Variants in SLX4 observed in about 807,000 individuals in gnomAD.
SLX4 encodes structure-specific endonuclease subunit SLX4.
SLX4 carries 112 observed loss-of-function variants against 146.2 expected under a neutral mutation model. That is an observed-to-expected ratio of 0.77 (90% CI 0.66 to 0.90). SLX4 has a LOEUF of 0.90. Among genes scored for constraint, SLX4 ranks in the 40% least tolerant of loss-of-function variants. The pLI, the probability that SLX4 is intolerant of heterozygous loss-of-function variation, is 0.00. For missense variants in SLX4, 2,563 were observed against 2,392.7 expected (o/e 1.07, Z -1.49); for synonymous variants, 1,061 against 997.7 (o/e 1.06, Z -1.20).
intron 1 of SLX4, among the ~76,000 whole-genome samples, chr16:3,610,539 C>T (rs968898179): frequency 6.6e-6 from 1 of 152,160 alleles, no homozygotes; most frequent in East Asian, 1.9e-4. Context: ...CCTGTCTTTA[C>T]GGCAAGGAAA....
In SLX4 at chr16:3,596,196, C is replaced by T. The variant is rs766325727; in HGVS notation, c.1881G>A (p.Pro627=). The change falls in exon 8 of 15, where the codon CCG becomes CCA. Residue 627 remains proline (P), a synonymous_variant. Transcript: ENST00000294008. ...DLAREGLSAS[P]WPGSGGLAGS... ...CAGCCAGGCCCCCACTGCCGGGCCA[C>T]GGGCTGGCGCTCAGTCCCTCCCTCG... 14 of 1,550,220 alleles carry T rather than the reference C, an allele frequency of 9.0e-6. No individual in the cohort carries two copies. The East Asian group carries it at 9.7e-5, about 11-fold the overall frequency.
chr16:3,589,880 G>C lies in SLX4; in HGVS notation c.3758C>G (p.Thr1253Ser), dbSNP rs202148391. The C allele has an allele frequency of 2.5e-6, 4 of 1,613,670 alleles. No homozygotes were observed. The African/African-American group carries it at 4.0e-5, about 16-fold the overall frequency. Residue 1253 changes from threonine (T) to serine (S), a missense_variant, in exon 12 of 15, where the codon ACC becomes AGC. Thr to Ser is a moderately conservative substitution (Grantham distance 58, BLOSUM62 1). Coordinates refer to ENST00000294008, the MANE Select transcript of SLX4 (RefSeq NM_032444.4). This position sits in a 1 kb window ranked among gnomAD's most constrained non-coding sequence, Gnocchi z 6.2. ...SSPSEASTTDTSWLVPATPLA... is the reference protein window; with the variant it reads ...SSPSEASTTDSSWLVPATPLA... ...CGGGGTGGCGGGCACCAGCCACGAGGTGTCTGTGGTGCTGGCCTCGCTGGG... is the reference window on the plus strand; with the variant it reads ...CGGGGTGGCGGGCACCAGCCACGAGCTGTCTGTGGTGCTGGCCTCGCTGGG...
At chr16:3,600,911 T>A (rs964922055) in intron 5 of SLX4, 68 bp downstream of exon 5, 13 of 1,570,534 alleles carry the variant, frequency 8.3e-6, no homozygotes, top group African/African-American at 1.4e-5. Context: ...AAAGCTTTTT[T>A]AAATAGAAAA....
rs1220006882 is a variant in SLX4 at position 3,602,265 on chromosome 16, A to T, written c.803T>A (p.Val268Glu). Residue 268 changes from valine to glutamate, a missense_variant, in exon 4 of 15, where the codon GTG (valine) becomes GAG (glutamate). Transcript: ENST00000294008. ...AAACTCCTGCTGCAGGGTCAAGGCC[A>T]CCGCAGCGTCGCTCTCTGGGGCAGG... ...GPPAPESDAA[V>E]ALTLQQEFAR... The T allele has an allele frequency of 6.2e-7, 1 of 1,614,116 alleles. No individual in the cohort carries two copies. The highest frequency in any genetic ancestry group is 2.2e-5 in the East Asian group (1 of 44,884).
chr16:3,607,394 G>C (rs953057955), intron 2 of SLX4, among the ~76,000 whole-genome samples: 4 of 152,206 alleles, frequency 2.6e-5, no homozygotes, highest in African/African-American at 9.6e-5. Context: ...TTTAGAAACA[G>C]AACTCAGGAG....
chr16:3,609,068 T>A lies in SLX4; in HGVS notation c.-104A>T. On this transcript the variant is annotated 5_prime_UTR_variant, in exon 2 of 15. Transcript: ENST00000294008. ...AATGATTGAAGTATCTTTGTTCAAA[T>A]TGGGCCTGTGGTTAAACATGTTTAA... 7.1e-7 allele frequency: 1 copy of A among 1,400,432 alleles called. No individual in the cohort carries two copies. The highest frequency in any genetic ancestry group is 1.2e-5 in the South Asian group (1 of 81,718). The allele number at this position is 1,400,432 out of a possible 1,614,324, so 86.8% of individuals were successfully genotyped here. A position where few individuals can be genotyped will look rare whatever the true frequency, so the allele number is the denominator to read the frequency against.
intron 2 of SLX4, among the ~76,000 whole-genome samples, chr16:3,607,577 G>A (rs1301264519): frequency 2.6e-5 from 4 of 152,226 alleles, no homozygotes; most frequent in Non-Finnish European, 4.4e-5. Flanking sequence ...CCAGCTACTC[G>A]GGAGGCTGAG....
chr16:3,595,597 G>T lies in SLX4; in HGVS notation c.2013+8C>A, dbSNP rs372272797. ...GACCAGAGAGCGCGGGCCAGAGCCAGTTCTTACCAAGGTGCGGCCGCCCCT... is the reference window on the plus strand; with the variant it reads ...GACCAGAGAGCGCGGGCCAGAGCCATTTCTTACCAAGGTGCGGCCGCCCCT... On this transcript the variant is annotated splice_region_variant and intron_variant, in intron 9 of 14. Transcript: ENST00000294008. The T allele has an allele frequency of 4.3e-6, 7 of 1,613,608 alleles. No homozygotes were observed. The African/African-American group carries it at 8.0e-5, about 18-fold the overall frequency.
At chr16:3,583,923 C>G (rs563324412) in intron 13 of SLX4, among the ~76,000 whole-genome samples, 1 of 151,790 alleles carries the variant, frequency 6.6e-6, no homozygotes, top group Non-Finnish European at 1.5e-5. Context: ...CGCTTAAGCC[C>G]GGGAGGCTGA....
intron 3 of SLX4, 23 bp from the exon 4 acceptor site, chr16:3,602,330 C>G (rs954922296): frequency 6.2e-7 from 1 of 1,612,358 alleles, no homozygotes; most frequent in Non-Finnish European, 8.5e-7. Flanking sequence ...ACCAAAGATC[C>G]GTGAGAATAA....
At chr16:3,598,091 G>T in intron 5 of SLX4, 92 bp from the exon 6 acceptor site, 1 of 1,475,160 alleles carries the variant, frequency 6.8e-7, no homozygotes, top group Middle Eastern at 1.7e-4. Flanking sequence ...CTGGGCCTGA[G>T]AGAAAAGTGA....
At chr16:3,586,152 C>T (rs1300699778) in intron 12 of SLX4, among the ~76,000 whole-genome samples, 1 of 151,978 alleles carries the variant, frequency 6.6e-6, no homozygotes, top group Non-Finnish European at 1.5e-5. Context: ...AAGTACAGAA[C>T]CAAGAAGAAG....
In SLX4 at chr16:3,589,890, T is replaced by A; in HGVS notation, c.3748A>T (p.Thr1250Ser). Residue 1250 changes from threonine (T) to serine (S), a missense_variant, in exon 12 of 15, where the codon ACC becomes TCC. Thr to Ser is a moderately conservative substitution (Grantham distance 58, BLOSUM62 1). Coordinates refer to ENST00000294008, the MANE Select transcript of SLX4 (RefSeq NM_032444.4). This position sits in a 1 kb window ranked among gnomAD's most constrained non-coding sequence, Gnocchi z 6.2. ...GGCACCAGCCACGAGGTGTCTGTGG[T>A]GCTGGCCTCGCTGGGGCTGCTCTCA... is the stretch of plus-strand genomic sequence containing the variant. ...DRESSPSEAS[T>S]TDTSWLVPAT... 1 of 1,613,820 alleles carries A rather than the reference T, an allele frequency of 6.2e-7. No individual in the cohort carries two copies. Among genetic ancestry groups the A allele is most frequent in the Non-Finnish European group, 8.5e-7 (1 of 1,179,994 alleles).
intron 2 of SLX4, 143 bp from the exon 3 acceptor site, chr16:3,606,841 T>C: frequency 1.2e-6 from 1 of 847,430 alleles, no homozygotes. Flanking sequence ...AGAGGACTGG[T>C]TGCTTGTTGG....
intron 11 of SLX4, among the ~76,000 whole-genome samples, chr16:3,592,491 C>A (rs2040604311): frequency 6.6e-6 from 1 of 152,196 alleles, no homozygotes; most frequent in Non-Finnish European, 1.5e-5. Context: ...GCTTGGCACC[C>A]CTGCAAGGGT....
chr16:3,587,547 A>G (rs998207040), intron 12 of SLX4, among the ~76,000 whole-genome samples: 1 of 152,150 alleles, frequency 6.6e-6, no homozygotes, highest in Non-Finnish European at 1.5e-5. Flanking sequence ...CCCCGATGAA[A>G]GCGGCAGGCT....
Position 3,594,313 on chromosome 16 carries a change from G to C in SLX4, c.2160+140C>G, listed in dbSNP as rs563902212. On this transcript the variant is annotated intron_variant, in intron 10 of 14. Transcript: ENST00000294008. ...AACGGATGGTTGGGAGGGAGAAGGT[G>C]AGAACATGGTGGGGCAGGAAGTGAG... is the stretch of plus-strand genomic sequence containing the variant. The C allele has an allele frequency of 3.5e-4, 431 of 1,219,604 alleles. 3 individuals carry two copies. The African/African-American group carries it at 5.9e-3, about 17-fold the overall frequency. The allele number at this position is 1,219,604 out of a possible 1,614,324, so 75.5% of individuals were successfully genotyped here.
In SLX4 at chr16:3,582,614, C is replaced by T. The variant is rs750467283; in HGVS notation, c.5233G>A (p.Ala1745Thr). Residue 1745 changes from alanine (A) to threonine (T), a missense_variant, in exon 15 of 15, where the codon GCA becomes ACA. By Grantham distance (58) the Ala-to-Thr change is moderately conservative (BLOSUM62 0). Coordinates refer to ENST00000294008, the MANE Select transcript of SLX4 (RefSeq NM_032444.4). ...EGEGEVSASQ[A>T]AVQAADTDEA... is the part of the protein sequence containing the mutation. ...TCTGTGTCCGCCGCCTGCACGGCTG[C>T]CTGCGAGGCACTGACCTCCCCCTCG... 2 of 1,613,634 alleles carry T rather than the reference C, an allele frequency of 1.2e-6. No homozygotes were observed. The highest frequency in any genetic ancestry group is 1.7e-6 in the Non-Finnish European group (2 of 1,180,046).
In SLX4 at chr16:3,589,406, C is replaced by T; in HGVS notation, c.4232G>A (p.Arg1411Lys). 6.2e-7 allele frequency: 1 copy of T among 1,601,382 alleles called. No individual in the cohort carries two copies. The highest frequency in any genetic ancestry group is 1.1e-5 in the South Asian group (1 of 90,762). Residue 1411 changes from arginine (R) to lysine (K), a missense_variant, in exon 12 of 15, where the codon AGA becomes AAA. Physicochemically the swap from Arg to Lys is conservative, Grantham distance 26. Transcript: ENST00000294008. The surrounding 1 kb of genome is among the most constrained non-coding windows in gnomAD (Gnocchi z 6.2). ...EQEVASHQAN[R>K]SPPLDSDPPI... ...GGGGTCACTGTCCAGTGGGGGGCTTCTGTTGGCCTGATGGGAGGCCACCTC... is the reference window on the plus strand; with the variant it reads ...GGGGTCACTGTCCAGTGGGGGGCTTTTGTTGGCCTGATGGGAGGCCACCTC...
Sources: gnomAD v4.1 joint callset for allele counts (sites outside exome capture counted in the v4.1 genomes callset) on GRCh38, gnomAD v4.1.1 for gene constraint, Gnocchi (gnomAD v3.1) non-coding constraint, MANE v1.5 for transcripts, NCBI Gene and HGNC (gene_info 2026-07-23, HGNC 2026-07-21) for gene names.